Variants in SH3KBP1 observed in about 807,000 individuals in gnomAD.
SH3KBP1 encodes SH3 domain-containing kinase-binding protein 1.
SH3KBP1 carries 8 observed loss-of-function variants against 50.1 expected under a neutral mutation model. The ratio of observed to expected loss-of-function variants is 0.16; its 90% CI spans 0.09 to 0.29. SH3KBP1 has a LOEUF of 0.29. Among genes scored for constraint, SH3KBP1 ranks in the 10% least tolerant of loss-of-function variants. SH3KBP1 has a pLI of 1.00. For missense variants in SH3KBP1, 377 were observed against 535.2 expected (o/e 0.70, Z 2.92); for synonymous variants, 227 against 218.6 (o/e 1.04, Z -0.34).
At chrX:19,811,955 A>T (rs922236115) in intron 2 of SH3KBP1, among the ~76,000 whole-genome samples, 9 of 111,826 alleles carry the variant, frequency 8.0e-5, no homozygotes, top group South Asian at 3.7e-4. Context: ...CCTCCTGGGA[A>T]CTGAGCATGG....
At chrX:19,723,142 CAAAA>C (rs61434855) in intron 3 of SH3KBP1, among the ~76,000 whole-genome samples, 1,450 of 31,035 alleles carry the variant, frequency 0.047, 29 homozygotes, top group African/African-American at 0.12. Flanking sequence ...GACTCCGTCT[CAAAA>C]AAAAAAAAAA....
intron 2 of SH3KBP1, among the ~76,000 whole-genome samples, chrX:19,794,046 A>G (rs976184835): frequency 2.7e-5 from 3 of 110,292 alleles, no homozygotes; most frequent in Non-Finnish European, 5.7e-5. Flanking sequence ...TGCGAGGACA[A>G]CAGGCATACA....
chrX:19,811,645 C>T (rs1003666783), intron 2 of SH3KBP1, among the ~76,000 whole-genome samples: 1 of 112,086 alleles, frequency 8.9e-6, no homozygotes, highest in Non-Finnish European at 1.9e-5. Context: ...TGTTAATTTA[C>T]TTTTTCTTCC....
intron 3 of SH3KBP1, among the ~76,000 whole-genome samples, chrX:19,719,877 TAAC>T (rs1156282773): frequency 2.9e-5 from 3 of 103,553 alleles, no homozygotes; most frequent in African/African-American, 1.1e-4. Context: ...ATAATAATAA[TAAC>T]AATAATAATA....
intron 16 of SH3KBP1, among the ~76,000 whole-genome samples, chrX:19,541,142 C>A (rs188376334): frequency 3.9e-4 from 44 of 112,018 alleles, no homozygotes; most frequent in Middle Eastern, 9.2e-3. Context: ...GTCTCAAACT[C>A]CTGACCTCAG....
At chrX:19,651,143 C>A (rs1462316482) in intron 6 of SH3KBP1, among the ~76,000 whole-genome samples, 3 of 109,875 alleles carry the variant, frequency 2.7e-5, no homozygotes, top group Admixed American at 9.6e-5. Context: ...AGGCACAGAG[C>A]AGAAGCCCTG....
chrX:19,704,231 A>G (rs2063599699), intron 4 of SH3KBP1, among the ~76,000 whole-genome samples: 1 of 112,726 alleles, frequency 8.9e-6, no homozygotes, highest in Non-Finnish European at 1.9e-5. Flanking sequence ...AGCGAATAAT[A>G]GAAAGGAGGC....
At chrX:19,660,899 A>T (rs1456147006) in intron 6 of SH3KBP1, among the ~76,000 whole-genome samples, 1 of 112,572 alleles carries the variant, frequency 8.9e-6, no homozygotes, top group East Asian at 2.8e-4. Context: ...CAGTTAAGAA[A>T]CAGGGGCCAG....
At chrX:19,763,082 C>T (rs1232514811) in intron 2 of SH3KBP1, among the ~76,000 whole-genome samples, 4 of 111,642 alleles carry the variant, frequency 3.6e-5, no homozygotes, top group Non-Finnish European at 7.5e-5. Context: ...ATGAAACCAC[C>T]CAGTTGTCTC....
chrX:19,601,158 G>T (rs969245583), intron 9 of SH3KBP1, among the ~76,000 whole-genome samples: 1 of 111,899 alleles, frequency 8.9e-6, no homozygotes, highest in Non-Finnish European at 1.9e-5. Flanking sequence ...TGTGTGCGGG[G>T]TTGTTGGCTG....
chrX:19,731,399 GCA>G (rs1432097389), intron 3 of SH3KBP1, among the ~76,000 whole-genome samples: 1 of 111,751 alleles, frequency 8.9e-6, no homozygotes, highest in Admixed American at 9.5e-5. Context: ...TTCTCTTTGA[GCA>G]CAGTGTTACC....
intron 7 of SH3KBP1, among the ~76,000 whole-genome samples, chrX:19,640,939 G>A (rs2061841910): frequency 8.9e-6 from 1 of 111,746 alleles, no homozygotes; most frequent in African/African-American, 3.3e-5. Flanking sequence ...TGTGTACCAA[G>A]TAACCAATGG....
At chrX:19,824,963 G>T (rs1434123665) in intron 2 of SH3KBP1, among the ~76,000 whole-genome samples, 1 of 112,173 alleles carries the variant, frequency 8.9e-6, no homozygotes, top group Admixed American at 9.5e-5. Context: ...GTTAGTTTTA[G>T]AAATTGTTTT....
At chrX:19,652,685 G>A (rs759278276) in intron 6 of SH3KBP1, among the ~76,000 whole-genome samples, 24 of 112,109 alleles carry the variant, frequency 2.1e-4, no homozygotes, top group Non-Finnish European at 3.9e-4. Flanking sequence ...CTTTATCTCA[G>A]TATATTCCAA....
chrX:19,719,176 C>T (rs1284853360), intron 3 of SH3KBP1, among the ~76,000 whole-genome samples: 2 of 111,546 alleles, frequency 1.8e-5, no homozygotes, highest in African/African-American at 6.5e-5. Flanking sequence ...ATCTTTTCAA[C>T]CCTGACACCT....
chrX:19,787,520 A>G (rs1250363071), intron 2 of SH3KBP1, among the ~76,000 whole-genome samples: 2 of 111,781 alleles, frequency 1.8e-5, no homozygotes, highest in Non-Finnish European at 3.8e-5. Context: ...AATTCAACAA[A>G]TTGAATCCTC....
At chrX:19,760,041 C>CCTCTCCCTCTCCCTCTCT (rs1556346157) in intron 2 of SH3KBP1, among the ~76,000 whole-genome samples, 9 of 50,454 alleles carry the variant, frequency 1.8e-4, no homozygotes, top group African/African-American at 8.4e-4. Context: ...TCTCTCTCTC[C>CCTCTCCCTCTCCCTCTCT]CTCTCTCTCT....
At chrX:19,653,815 G>GTT (rs1321202343) in intron 6 of SH3KBP1, among the ~76,000 whole-genome samples, 2 of 84,064 alleles carry the variant, frequency 2.4e-5, no homozygotes, top group Non-Finnish European at 4.8e-5. Context: ...CACACACACA[G>GTT]CTTCTTAACA....
intron 12 of SH3KBP1, chrX:19,588,257 G>C (rs1478607254): frequency 1.1e-6 from 1 of 872,075 alleles, no homozygotes; most frequent in Non-Finnish European, 1.5e-6. Flanking sequence ...CCACACATGA[G>C]ATATACATAC....
Sources: allele counts gnomAD v4.1 joint callset (sites outside exome capture counted in the v4.1 genomes callset), GRCh38; gene constraint gnomAD v4.1.1; transcripts MANE v1.5; gene names NCBI Gene and HGNC (gene_info 2026-07-23, HGNC 2026-07-21).